IRS1: variants seen among roughly 807,000 people sequenced by gnomAD.
IRS1 encodes insulin receptor substrate 1.
In IRS1, 34 loss-of-function variants were observed where a neutral mutation model predicts 65.6. The observed-to-expected ratio is 0.52, with a 90% CI of 0.39 to 0.69. IRS1 has a LOEUF of 0.69. Ranked by LOEUF, IRS1 falls within the 30% of genes least tolerant of loss-of-function variation. IRS1 has a pLI of 0.00. For missense variants in IRS1, 1,641 were observed against 1,720.2 expected (o/e 0.95, Z 0.81); for synonymous variants, 699 against 683.5 (o/e 1.02, Z -0.35).
intron 1 of IRS1, among the ~76,000 whole-genome samples, chr2:226,786,532 A>G (rs1006432331): frequency 1.3e-4 from 20 of 152,078 alleles, no homozygotes; most frequent in African/African-American, 4.8e-4. Flanking sequence ...TTCAAAATTT[A>G]TAAGCAGTCT....
intron 1 of IRS1, among the ~76,000 whole-genome samples, chr2:226,781,861 T>C (rs1242785352): frequency 8.7e-5 from 11 of 125,850 alleles, no homozygotes; most frequent in African/African-American, 3.8e-4. Context: ...TCCTCACCCC[T>C]AAATACACAC....
chr2:226,784,439 TTAGA>T (rs1939448583), intron 1 of IRS1, among the ~76,000 whole-genome samples: 1 of 152,120 alleles, frequency 6.6e-6, no homozygotes, highest in Non-Finnish European at 1.5e-5. Flanking sequence ...TTTTTATTTT[TTAGA>T]TAGAGTTTCG....
rs1192319129 is a variant in IRS1 at position 226,798,795 on chromosome 2, G to T, written c.-57C>A. 6.4e-6 allele frequency: 10 copies of T among 1,566,568 alleles called. No individual in the cohort carries two copies. The highest frequency in any genetic ancestry group is 2.1e-4 in the Middle Eastern group (1 of 4,836). ...GGGAGGCTCCGAAAAACAACCGGGTGGGGGGCGGAGGCTCCTCGCCGCGGC... is the reference window on the plus strand; with the variant it reads ...GGGAGGCTCCGAAAAACAACCGGGTTGGGGGCGGAGGCTCCTCGCCGCGGC... On this transcript the variant is annotated 5_prime_UTR_variant, in exon 1 of 2. Transcript: ENST00000305123. The surrounding 1 kb of genome is among the most constrained non-coding windows in gnomAD (Gnocchi z 9.4).
At position 226,798,512 on chromosome 2, in the gene IRS1, G is replaced by C; in HGVS notation, c.227C>G (p.Ala76Gly). Reference sequence around the variant, plus strand: ...CACCAGGTGCTTGTTCTTGGAGTCAGCCCGCTTGTTGATGTTGAAGCAGCT... The same window carrying C: ...CACCAGGTGCTTGTTCTTGGAGTCACCCCGCTTGTTGATGTTGAAGCAGCT... ...LESCFNINKR[A>G]DSKNKHLVAL... The change falls in exon 1 of 2, where the codon GCT becomes GGT. Residue 76 changes from alanine to glycine, a missense_variant. By Grantham distance (60) the Ala-to-Gly change is moderately conservative (BLOSUM62 0). Coordinates refer to ENST00000305123, the MANE Select transcript of IRS1 (RefSeq NM_005544.3). This position sits in a 1 kb window ranked among gnomAD's most constrained non-coding sequence, Gnocchi z 9.4. 1 of 1,614,116 alleles carries C rather than the reference G, an allele frequency of 6.2e-7. No homozygotes were observed. Among genetic ancestry groups the C allele is most frequent in the Non-Finnish European group, 8.5e-7 (1 of 1,180,030 alleles).
chr2:226,796,774 C>G lies in IRS1; in HGVS notation c.1965G>C (p.Gln655His). Residue 655 changes from glutamine to histidine, a missense_variant, in exon 1 of 2, where the codon CAG becomes CAC. Transcript: ENST00000305123. ...TCATGTAGCCATTGGGGTCCACTCT[C>G]TGGGGATGGCGTCTGATGGGATTGA... ...QIINPIRRHP[Q>H]RVDPNGYMMM... 2 of 1,593,054 alleles carry G rather than the reference C, an allele frequency of 1.3e-6. No individual in the cohort carries two copies. The highest frequency in any genetic ancestry group is 8.6e-7 in the Non-Finnish European group (1 of 1,168,178).
rs1362246600 is a variant in IRS1, at chr2:226,736,137, G to C, written c.*135C>G. 6.6e-6 allele frequency: 1 copy of C among 152,392 alleles called. No homozygotes were observed. Among genetic ancestry groups the C allele is most frequent in the Non-Finnish European group, 1.5e-5 (1 of 68,016 alleles). 9.4% of individuals were successfully genotyped at this position (152,392 alleles called of 1,614,324 possible). A position where few individuals can be genotyped will look rare whatever the true frequency, so the allele number is the denominator to read the frequency against. ...GTAAACAAACTGAAATGGATGCATCGTACCATCTACTGATGAGGAAGATAT... is the reference window on the plus strand; with the variant it reads ...GTAAACAAACTGAAATGGATGCATCCTACCATCTACTGATGAGGAAGATAT... On this transcript the variant is annotated 3_prime_UTR_variant, in exon 2 of 2. Transcript: ENST00000305123.
In IRS1 at chr2:226,797,909, G is replaced by A; in HGVS notation, c.830C>T (p.Ser277Phe). 1 of 1,613,814 alleles carries A rather than the reference G, an allele frequency of 6.2e-7. No individual in the cohort carries two copies. The highest frequency in any genetic ancestry group is 8.5e-7 in the Non-Finnish European group (1 of 1,179,978). Residue 277 changes from serine to phenylalanine, a missense_variant, in exon 1 of 2, where the codon TCT becomes TTT. Ser to Phe is a radical substitution (Grantham distance 155). Transcript: ENST00000305123. The surrounding 1 kb of genome is among the most constrained non-coding windows in gnomAD (Gnocchi z 8.1). ...RSKSQSSSNC[S>F]NPISVPLRRH... Reference sequence around the variant, plus strand: ...GCGCAGGGGGACGCTGATGGGGTTAGAGCAGTTGGACGAGGACTGGCTCTT... The same window carrying A: ...GCGCAGGGGGACGCTGATGGGGTTAAAGCAGTTGGACGAGGACTGGCTCTT...
At position 226,764,571 on chromosome 2, in the gene IRS1, G is replaced by A. The variant is rs150536539; in HGVS notation, c.*22-28321C>T. 1.2e-3 allele frequency among the ~76,000 whole-genome samples: 176 copies of A among 152,210 alleles called. 1 individual carries two copies. Among genetic ancestry groups the A allele is most frequent in the Admixed American group, 3.2e-3 (49 of 15,282 alleles). Reference sequence around the variant, plus strand: ...AAAAGAAAATCTATTTACCTACAGAGAGACTTTTAAAATTGTCATGAAAAG... The same window carrying A: ...AAAAGAAAATCTATTTACCTACAGAAAGACTTTTAAAATTGTCATGAAAAG... On this transcript the variant is annotated intron_variant, in intron 1 of 1. Transcript: ENST00000305123.
At chr2:226,793,219 C>G (rs1939643698) in intron 1 of IRS1, among the ~76,000 whole-genome samples, 1 of 152,122 alleles carries the variant, frequency 6.6e-6, no homozygotes, top group South Asian at 2.1e-4. Flanking sequence ...GAAACCTAAA[C>G]AAATTAAGAT....
chr2:226,796,026 G>C lies in IRS1; in HGVS notation c.2713C>G (p.Gln905Glu). Residue 905 changes from glutamine to glutamate, a missense_variant, in exon 1 of 2, where the codon CAG becomes GAG. By Grantham distance (29) the Gln-to-Glu change is conservative. This residue lies in a region of IRS1 where 1,324 missense variants were observed against 1,361.0 expected (regional missense o/e 0.97). Transcript: ENST00000305123. ...EYVNIEFGSD[Q>E]SGYLSGPVAF... ...ACCGGGCCAGACAAGTAGCCAGACT[G>C]ATCACTCCCAAATTCAATATTGACA... 8 of 1,614,178 alleles carry C rather than the reference G, an allele frequency of 5.0e-6. No individual in the cohort carries two copies. Among genetic ancestry groups the C allele is most frequent in the Non-Finnish European group, 6.8e-6 (8 of 1,180,044 alleles).
intron 1 of IRS1, among the ~76,000 whole-genome samples, chr2:226,776,422 T>C (rs1426040710): frequency 3.3e-5 from 5 of 152,130 alleles, no homozygotes; most frequent in African/African-American, 1.2e-4. Context: ...TTGTGTATTG[T>C]GACTTTCTGC....
rs75188112 is a variant in IRS1 at position 226,797,304 on chromosome 2, G to A, written c.1435C>T (p.Pro479Ser). 39 of 1,613,490 alleles carry A rather than the reference G, an allele frequency of 2.4e-5. No individual in the cohort carries two copies. The East Asian group carries it at 8.0e-4, about 33-fold the overall frequency. Residue 479 changes from proline to serine, a missense_variant, in exon 1 of 2, where the codon CCC (proline) becomes TCC (serine). By Grantham distance (74) the Pro-to-Ser change is moderately conservative. Transcript: ENST00000305123. This position sits in a 1 kb window ranked among gnomAD's most constrained non-coding sequence, Gnocchi z 8.1. ...CGAGACAAAATGTAGTGACCGTTGG[G>A]GGCGGTCAGGGTGGAGGGCCCCTTG... is the stretch of plus-strand genomic sequence containing the variant. ...GGKGPSTLTA[P>S]NGHYILSRGG...
Position 226,734,747 on chromosome 2 carries a change from G to A in IRS1, c.*1525C>T, listed in dbSNP as rs1471074800. 3 of 152,130 alleles carry A rather than the reference G, an allele frequency of 2.0e-5. No individual in the cohort carries two copies. Among genetic ancestry groups the A allele is most frequent in the East Asian group, 1.9e-4 (1 of 5,206 alleles). 9.4% of individuals were successfully genotyped at this position (152,130 alleles called of 1,614,324 possible). A position where few individuals can be genotyped will look rare whatever the true frequency, so the allele number is the denominator to read the frequency against. On this transcript the variant is annotated 3_prime_UTR_variant, in exon 2 of 2. Transcript: ENST00000305123. ...TGGTAAAAAGATTTAAAAATCTGTC[G>A]GCAATATCTTTAAATGCATTCATTG...
rs1207816683 is a variant in IRS1 at position 226,797,904 on chromosome 2, G to A, written c.835C>T (p.Pro279Ser). ...KSQSSSNCSN[P>S]ISVPLRRHHL... ...TGCCGGCGCAGGGGGACGCTGATGG[G>A]GTTAGAGCAGTTGGACGAGGACTGG... Residue 279 changes from proline to serine, a missense_variant, in exon 1 of 2, where the codon CCC (proline) becomes TCC (serine). By Grantham distance (74) the Pro-to-Ser change is moderately conservative. Transcript: ENST00000305123. The surrounding 1 kb of genome is among the most constrained non-coding windows in gnomAD (Gnocchi z 8.1). The A allele has an allele frequency of 1.9e-6, 3 of 1,613,692 alleles. No individual in the cohort carries two copies. The highest frequency in any genetic ancestry group is 2.5e-6 in the Non-Finnish European group (3 of 1,179,966).
chr2:226,752,273 A>G (rs1938700676), intron 1 of IRS1, among the ~76,000 whole-genome samples: 1 of 152,192 alleles, frequency 6.6e-6, no homozygotes, highest in Non-Finnish European at 1.5e-5. Flanking sequence ...ACTAAAAAAT[A>G]AAAAGAAAGG....
chr2:226,777,928 A>G (rs1156515851), intron 1 of IRS1, among the ~76,000 whole-genome samples: 1 of 152,204 alleles, frequency 6.6e-6, no homozygotes, highest in African/African-American at 2.4e-5. Context: ...GCAAATAAAT[A>G]TATGTTGTAT....
rs1939742784 is a variant in IRS1, at chr2:226,796,973, A to T, written c.1766T>A (p.Met589Lys). Residue 589 changes from methionine to lysine, a missense_variant, in exon 1 of 2, where the codon ATG (methionine) becomes AAG (lysine). Physicochemically the swap from Met to Lys is moderately conservative, Grantham distance 95 (BLOSUM62 -1). Around this residue, in one of 3 missense-constraint regions of IRS1, gnomAD observed 1,324 missense variants for 1,361.0 expected, o/e 0.97. Transcript: ENST00000305123. ...TRSYPEEGLEMHPLERRGGHH... is the reference protein window; with the variant it reads ...TRSYPEEGLEKHPLERRGGHH... ...CCCCCCCCGACGCTCCAAGGGGTGC[A>T]TTTCCAGACCCTCCTCTGGGTAGGA... 2.5e-6 allele frequency: 4 copies of T among 1,579,760 alleles called. No homozygotes were observed. Among genetic ancestry groups the T allele is most frequent in the Non-Finnish European group, 3.5e-6 (4 of 1,159,418 alleles).
intron 1 of IRS1, among the ~76,000 whole-genome samples, chr2:226,784,534 C>T (rs1184607585): frequency 6.6e-6 from 1 of 151,964 alleles, no homozygotes; most frequent in African/African-American, 2.4e-5. Context: ...GTGATTCTCC[C>T]GCCTGAGCCT....
At chr2:226,791,560 G>A (rs1254091567) in intron 1 of IRS1, among the ~76,000 whole-genome samples, 1 of 152,182 alleles carries the variant, frequency 6.6e-6, no homozygotes, top group African/African-American at 2.4e-5. Flanking sequence ...GCGGTGCAGA[G>A]GGGGCCTGCG....
Sources: allele counts gnomAD v4.1 joint callset (sites outside exome capture counted in the v4.1 genomes callset), GRCh38; gene constraint gnomAD v4.1.1; regional missense constraint gnomAD v4.1.1; non-coding constraint Gnocchi (gnomAD v3.1); transcripts MANE v1.5; gene names NCBI Gene and HGNC (gene_info 2026-07-23, HGNC 2026-07-21).